PROS1: variants seen among roughly 807,000 people sequenced by gnomAD.
PROS1 encodes vitamin K-dependent protein S.
A neutral mutation model predicts 75.9 loss-of-function variants in PROS1; 29 were observed. The observed-to-expected ratio is 0.38, with a 90% CI of 0.28 to 0.52. The LOEUF (loss-of-function observed/expected upper bound fraction) is 0.52, where lower values mean the gene tolerates loss of function less well. Among genes scored for constraint, PROS1 ranks in the 20% least tolerant of loss-of-function variants. The pLI is 0.83. For synonymous variants in PROS1, 245 were observed against 280.6 expected (o/e 0.87, Z 1.27); for missense variants, 680 against 810.3 (o/e 0.84, Z 1.95).
At chr3:93,935,457 A>G (rs371361710) in intron 1 of PROS1, among the ~76,000 whole-genome samples, 1 of 152,180 alleles carries the variant, frequency 6.6e-6, no homozygotes, top group Non-Finnish European at 1.5e-5. Flanking sequence ...ACATCAATAT[A>G]TTAGTTCTGT....
At chr3:93,965,460 C>T (rs1224646138) in intron 1 of PROS1, among the ~76,000 whole-genome samples, 1 of 152,170 alleles carries the variant, frequency 6.6e-6, no homozygotes, top group East Asian at 1.9e-4. Flanking sequence ...GAACACTAGT[C>T]ACTGGGTTCT....
At chr3:93,910,102 C>A (rs538864508) in intron 4 of PROS1, among the ~76,000 whole-genome samples, 2 of 152,072 alleles carry the variant, frequency 1.3e-5, no homozygotes, top group African/African-American at 4.8e-5. Context: ...GTGATTGCAC[C>A]ATTTGCTTTT....
intron 1 of PROS1, chr3:93,968,164 T>C (rs571269618): frequency 1.3e-5 from 2 of 152,336 alleles, no homozygotes; most frequent in Non-Finnish European, 2.9e-5. Flanking sequence ...TGTAATTCCC[T>C]AGTACCTGTA....
chr3:93,951,708 TAAC>T (rs1208493660), intron 1 of PROS1, among the ~76,000 whole-genome samples: 1 of 151,948 alleles, frequency 6.6e-6, no homozygotes, highest in African/African-American at 2.4e-5. Flanking sequence ...AATAAACAGT[TAAC>T]ATCATAATGA....
chr3:93,928,286 A>C (rs1709057091), intron 1 of PROS1, among the ~76,000 whole-genome samples: 2 of 150,840 alleles, frequency 1.3e-5, no homozygotes, highest in Non-Finnish European at 3.0e-5. Flanking sequence ...AGCTGTGATC[A>C]TACCACTTCA....
chr3:93,961,102 T>C (rs955904428), intron 1 of PROS1, among the ~76,000 whole-genome samples: 10 of 152,142 alleles, frequency 6.6e-5, no homozygotes, highest in African/African-American at 2.4e-4. Flanking sequence ...ATAAAGTATG[T>C]TAAAACTTGA....
chr3:93,875,962 G>T (rs1708181364), intron 14 of PROS1, among the ~76,000 whole-genome samples: 1 of 152,124 alleles, frequency 6.6e-6, no homozygotes, highest in African/African-American at 2.4e-5. Context: ...AGTTAAAGAT[G>T]AATCTGTTTT....
intron 3 of PROS1, 187 bp from the exon 4 acceptor site, chr3:93,910,892 G>T: frequency 3.4e-6 from 2 of 594,988 alleles, no homozygotes; most frequent in Non-Finnish European, 6.1e-6. Flanking sequence ...CAAGCAAGAT[G>T]GCAACAGATA....
intron 6 of PROS1, among the ~76,000 whole-genome samples, chr3:93,903,758 T>C (rs1164403903): frequency 1.3e-5 from 2 of 152,146 alleles, no homozygotes; most frequent in Admixed American, 6.5e-5. Flanking sequence ...GTTTACAAAA[T>C]GCATATGGTA....
intron 2 of PROS1, among the ~76,000 whole-genome samples, 170 bp downstream of exon 2, chr3:93,927,080 C>T (rs1461810698): frequency 3.9e-5 from 6 of 152,314 alleles, no homozygotes; most frequent in Non-Finnish European, 7.3e-5. Flanking sequence ...CCTAACAAGC[C>T]CACTTTCCTT....
chr3:93,889,693 A>G (rs1157790691), intron 10 of PROS1, among the ~76,000 whole-genome samples: 1 of 152,186 alleles, frequency 6.6e-6, no homozygotes, highest in African/African-American at 2.4e-5. Flanking sequence ...GATTTCATGG[A>G]CATTTATTAG....
rs1294531552 is a variant in PROS1 at position 93,893,094 on chromosome 3, A to G, written c.994T>C (p.Tyr332His). Residue 332 changes from tyrosine to histidine, a missense_variant, in exon 10 of 15, where the codon TAT becomes CAT. Coordinates refer to ENST00000394236, the MANE Select transcript of PROS1 (RefSeq NM_000313.4). Reference sequence around the variant, plus strand: ...TACAGTATCACGCCTTCTGAATCATATGTCCGGAAATCAAATTCTGCTGAA... The same window carrying G: ...TACAGTATCACGCCTTCTGAATCATGTGTCCGGAAATCAAATTCTGCTGAA... ...RFSAEFDFRT[Y>H]DSEGVILYAE... 7.4e-6 allele frequency: 12 copies of G among 1,613,888 alleles called. No individual in the cohort carries two copies. The highest frequency in any genetic ancestry group is 1.0e-5 in the Non-Finnish European group (12 of 1,179,848).
At chr3:93,891,286 G>A (rs1482338210) in intron 10 of PROS1, among the ~76,000 whole-genome samples, 2 of 152,052 alleles carry the variant, frequency 1.3e-5, no homozygotes, top group African/African-American at 2.4e-5. Flanking sequence ...CTATACTTCA[G>A]AAAAGACTTC....
chr3:93,961,297 G>C (rs577543950), intron 1 of PROS1, among the ~76,000 whole-genome samples: 25 of 152,298 alleles, frequency 1.6e-4, no homozygotes, highest in African/African-American at 6.0e-4. Context: ...CCTAGATTTT[G>C]AGCTTTGCAT....
intron 1 of PROS1, among the ~76,000 whole-genome samples, chr3:93,938,492 C>T (rs1709224966): frequency 6.6e-6 from 1 of 152,050 alleles, no homozygotes; most frequent in Non-Finnish European, 1.5e-5. Flanking sequence ...AGACTTGTCC[C>T]CTGTCCTCGT....
intron 3 of PROS1, among the ~76,000 whole-genome samples, chr3:93,921,791 T>G (rs2107193683): frequency 6.6e-6 from 1 of 152,356 alleles, no homozygotes; most frequent in African/African-American, 2.4e-5. Context: ...TTTTCCTTGA[T>G]TATTCCTGCC....
chr3:93,920,567 C>G (rs1237221904), intron 3 of PROS1, among the ~76,000 whole-genome samples: 1 of 151,964 alleles, frequency 6.6e-6, no homozygotes, highest in Non-Finnish European at 1.5e-5. Context: ...TCTATGGATT[C>G]TATTTTTTTC....
At chr3:93,970,113 A>G (rs1264927673) in intron 1 of PROS1, among the ~76,000 whole-genome samples, 1 of 152,210 alleles carries the variant, frequency 6.6e-6, no homozygotes, top group Admixed American at 6.6e-5. Context: ...TTAAGAAAAG[A>G]TAAGCCTTCA....
At chr3:93,887,808 T>A (rs1708372293) in intron 10 of PROS1, among the ~76,000 whole-genome samples, 1 of 152,156 alleles carries the variant, frequency 6.6e-6, no homozygotes, top group Non-Finnish European at 1.5e-5. Flanking sequence ...CCTGTAGCCA[T>A]GCAAGTATTT....
Sources: gnomAD v4.1 joint callset for allele counts (sites outside exome capture counted in the v4.1 genomes callset) on GRCh38, gnomAD v4.1.1 for gene constraint, MANE v1.5 for transcripts, NCBI Gene and HGNC (gene_info 2026-07-23, HGNC 2026-07-21) for gene names.